The following MUC7 variants were observed in gnomAD, a reference collection of about 807,000 sequenced individuals.
MUC7 encodes the protein mucin 7, secreted.
In MUC7, 2 loss-of-function variants were observed where a neutral mutation model predicts 2.5. That is an observed-to-expected ratio of 0.81 (90% confidence interval 0.33 to 2.55). The LOEUF is 2.55. MUC7 is among the 30% of genes most tolerant of loss of function. MUC7 has a pLI of 0.11. For missense variants in MUC7, 408 were observed against 455.6 expected, an observed-to-expected ratio of 0.90 and a Z score of 0.95; for synonymous variants, 133 against 173.4, an observed-to-expected ratio of 0.77 and a Z score of 1.83.
chr4:70,447,276 G>C (rs956940413), intron 1 of MUC7, among the ~76,000 whole-genome samples: 5 of 152,136 alleles, frequency 3.3e-5, no homozygotes, highest in African/African-American at 4.8e-5. Context: ...TGTCTTAAAG[G>C]ACTATGGAGA....
chr4:70,455,159 T>C (rs1022136550), intron 1 of MUC7, among the ~76,000 whole-genome samples: 2 of 152,150 alleles, frequency 1.3e-5, no homozygotes, highest in African/African-American at 4.8e-5. Flanking sequence ...AAACACTAAT[T>C]CTTGGTGAAG....
chr4:70,452,560 A>T (rs199602830), intron 1 of MUC7, among the ~76,000 whole-genome samples: 1 of 6,424 alleles, frequency 1.6e-4, no homozygotes, highest in Non-Finnish European at 5.6e-4. Context: ...AAACAAAAAC[A>T]AAAAAAAAAG....
At chr4:70,450,210 G>A (rs1388788578) in intron 1 of MUC7, among the ~76,000 whole-genome samples, 1 of 152,172 alleles carries the variant, frequency 6.6e-6, no homozygotes, top group Admixed American at 6.5e-5. Flanking sequence ...CAAGGCAGAG[G>A]AGCCTCACCC....
chr4:70,457,272 C>T (rs1332282912), intron 1 of MUC7, among the ~76,000 whole-genome samples: 1 of 152,124 alleles, frequency 6.6e-6, no homozygotes, highest in Admixed American at 6.6e-5. Context: ...GTGAGACACC[C>T]ATCGCTACAT....
In MUC7 at chr4:70,481,282, C is replaced by A. The variant is rs764283926; in HGVS notation, c.538C>A (p.Pro180Thr). 7 of 1,613,590 alleles carry A rather than the reference C, an allele frequency of 4.3e-6. 1 individual carries two copies. In the East Asian group the frequency reaches 1.6e-4, roughly 36 times the overall value. The change falls in exon 3 of 3, where the codon CCA becomes ACA. Residue 180 changes from proline (P) to threonine (T), a missense_variant. Around this residue, in one of 3 missense-constraint regions of MUC7, gnomAD observed 225 missense variants for 240.5 expected, o/e 0.94. Transcript: ENST00000304887. ...ACCTTCTGCAACTACACCAGCTCCACCATCTTCCTCAGCTCCACCAGAGAC... is the reference window on the plus strand; with the variant it reads ...ACCTTCTGCAACTACACCAGCTCCAACATCTTCCTCAGCTCCACCAGAGAC... ...PTPSATTPAP[P>T]SSSAPPETTA...
At chr4:70,430,963 A>C (rs2109782642) in intron 1 of MUC7, among the ~76,000 whole-genome samples, 1 of 152,260 alleles carries the variant, frequency 6.6e-6, no homozygotes, top group East Asian at 1.9e-4. Flanking sequence ...TTTCTCTTCT[A>C]CTGGCAAATA....
intron 1 of MUC7, among the ~76,000 whole-genome samples, chr4:70,433,659 G>A (rs1020234395): frequency 7.2e-5 from 11 of 152,180 alleles, no homozygotes; most frequent in African/African-American, 2.2e-4. Flanking sequence ...ATACAATCAT[G>A]TCATCTGCAA....
intron 1 of MUC7, among the ~76,000 whole-genome samples, chr4:70,450,549 G>A (rs1336084409): frequency 8.5e-5 from 13 of 152,164 alleles, no homozygotes. Flanking sequence ...CAGATAATGT[G>A]CTGAGTATCA....
At chr4:70,463,526 C>T (rs1560553053) in intron 1 of MUC7, among the ~76,000 whole-genome samples, 1 of 152,160 alleles carries the variant, frequency 6.6e-6, no homozygotes, top group African/African-American at 2.4e-5. Flanking sequence ...AACAGAAAAA[C>T]AGCTGTAGCT....
At chr4:70,438,456 T>TTTGG (rs1733918085) in intron 1 of MUC7, among the ~76,000 whole-genome samples, 25 of 151,468 alleles carry the variant, frequency 1.7e-4, no homozygotes, top group Middle Eastern at 3.4e-3. Context: ...TTTTGTTTTG[T>TTTGG]TTTGGTTTGG....
chr4:70,479,011 T>C (rs957309805), intron 2 of MUC7, among the ~76,000 whole-genome samples: 3 of 152,196 alleles, frequency 2.0e-5, no homozygotes, highest in African/African-American at 7.2e-5. Context: ...AAACAAATAA[T>C]ACTTTCTTGT....
rs747863597 is a variant in MUC7 at position 70,481,326 on chromosome 4, A to G, written c.582A>G (p.Thr194=). 2 of 1,596,694 alleles carry G rather than the reference A, an allele frequency of 1.3e-6. No individual in the cohort carries two copies. Among genetic ancestry groups the G allele is most frequent in the Admixed American group, 3.4e-5 (2 of 58,276 alleles). The change falls in exon 3 of 3, where the codon ACA becomes ACG. Residue 194 remains threonine (T), a synonymous_variant. Coordinates refer to ENST00000304887, the MANE Select transcript of MUC7 (RefSeq NM_152291.3). ...APPETTAAPP[T]PSATTQAPPS... is the part of the protein sequence containing the mutation. ...CAGAGACCACAGCTGCCCCACCCAC[A>G]CCTTCTGCAACTACACAAGCTCCAC...
At chr4:70,463,928 G>C (rs566676738) in intron 1 of MUC7, among the ~76,000 whole-genome samples, 3 of 152,282 alleles carry the variant, frequency 2.0e-5, no homozygotes, top group South Asian at 2.1e-4. Flanking sequence ...CATTCGTAAA[G>C]TTAAAAATAA....
intron 1 of MUC7, among the ~76,000 whole-genome samples, chr4:70,458,058 C>T (rs1014186318): frequency 1.3e-5 from 2 of 151,986 alleles, no homozygotes; most frequent in African/African-American, 2.4e-5. Context: ...TTAATCTCTC[C>T]GATGAATATA....
At chr4:70,464,377 C>T (rs549573734) in intron 1 of MUC7, among the ~76,000 whole-genome samples, 2 of 152,108 alleles carry the variant, frequency 1.3e-5, no homozygotes, top group African/African-American at 2.4e-5. Context: ...CCAGTGGCAC[C>T]TGGAACACCA....
At chr4:70,474,159 T>A in intron 2 of MUC7, 84 bp downstream of exon 2, 1 of 1,094,372 alleles carries the variant, frequency 9.1e-7, no homozygotes, top group East Asian at 2.4e-5. Flanking sequence ...TAAAGCATAA[T>A]AGGCAACCCC....
At chr4:70,464,286 C>T (rs1734626643) in intron 1 of MUC7, among the ~76,000 whole-genome samples, 1 of 152,162 alleles carries the variant, frequency 6.6e-6, no homozygotes, top group Non-Finnish European at 1.5e-5. Flanking sequence ...GCCTATACCA[C>T]CAGGGCCCAG....
intron 1 of MUC7, among the ~76,000 whole-genome samples, chr4:70,432,706 T>A (rs1386286031): frequency 6.6e-6 from 1 of 152,234 alleles, no homozygotes; most frequent in Non-Finnish European, 1.5e-5. Context: ...GATAGTAGTT[T>A]CTTTTGCTGT....
chr4:70,463,497 A>T (rs1734607966), intron 1 of MUC7, among the ~76,000 whole-genome samples: 1 of 152,180 alleles, frequency 6.6e-6, no homozygotes, highest in South Asian at 2.1e-4. Flanking sequence ...TTTGGTGTAG[A>T]AGTGAAAGTA....
Sources: gnomAD v4.1 joint callset for allele counts (sites outside exome capture counted in the v4.1 genomes callset) on GRCh38, gnomAD v4.1.1 for gene constraint, gnomAD v4.1.1 regional missense constraint, MANE v1.5 for transcripts, NCBI Gene and HGNC (gene_info 2026-07-23, HGNC 2026-07-21) for gene names.